Variants in GREB1L observed in about 807,000 individuals in gnomAD.
The protein encoded by GREB1L is GREB1 like retinoic acid receptor coactivator.
A neutral mutation model predicts 200.8 loss-of-function variants in GREB1L; 17 were observed. The ratio of observed to expected loss-of-function variants is 0.08; its 90% CI spans 0.06 to 0.13. GREB1L has a LOEUF of 0.13. GREB1L is among the 10% of genes least tolerant of loss of function. GREB1L has a pLI of 1.00. For missense variants in GREB1L, 1,657 were observed against 2,367.7 expected, an observed-to-expected ratio of 0.70 and a Z score of 6.23; for synonymous variants, 789 against 893.0, an observed-to-expected ratio of 0.88 and a Z score of 2.08.
intron 28 of GREB1L, among the ~76,000 whole-genome samples, chr18:21,514,856 C>G (rs2037363034): frequency 6.6e-6 from 1 of 152,118 alleles, no homozygotes; most frequent in Admixed American, 6.5e-5. Context: ...GGGGTAGTGC[C>G]CCCTCACATT....
intron 20 of GREB1L, among the ~76,000 whole-genome samples, chr18:21,496,064 T>G (rs1279038649): frequency 6.6e-6 from 1 of 152,046 alleles, no homozygotes; most frequent in African/African-American, 2.4e-5. Context: ...ATAAAGTGCT[T>G]TGTCTTTGTT....
chr18:21,457,527 G>A (rs923412950), intron 15 of GREB1L, among the ~76,000 whole-genome samples: 3 of 152,048 alleles, frequency 2.0e-5, no homozygotes, highest in African/African-American at 4.8e-5. Context: ...TAAAATGTTG[G>A]CATTAACAAA....
At chr18:21,341,823 A>G (rs747806781) in intron 1 of GREB1L, among the ~76,000 whole-genome samples, 4 of 152,176 alleles carry the variant, frequency 2.6e-5, no homozygotes, top group Non-Finnish European at 5.9e-5. Flanking sequence ...ACAGCAGTGT[A>G]TTAGGTGTAA....
At chr18:21,477,492 A>T in intron 17 of GREB1L, 136 bp downstream of exon 17, 1 of 714,314 alleles carries the variant, frequency 1.4e-6, no homozygotes, top group Non-Finnish European at 2.0e-6. Flanking sequence ...TTTATGTAAG[A>T]GTTCAAAAAT....
chr18:21,354,836 A>G (rs2039481407), intron 1 of GREB1L, among the ~76,000 whole-genome samples: 1 of 152,252 alleles, frequency 6.6e-6, no homozygotes, highest in African/African-American at 2.4e-5. Context: ...GGAAGAGAAC[A>G]TTGCAAGATA....
intron 14 of GREB1L, 52 bp from the exon 15 acceptor site, chr18:21,454,314 C>CCATTAGG: frequency 8.3e-7 from 1 of 1,197,920 alleles, no homozygotes; most frequent in South Asian, 1.4e-5. Context: ...TTCACAGTGG[C>CCATTAGG]CATTAGGGAA....
intron 1 of GREB1L, among the ~76,000 whole-genome samples, chr18:21,268,520 T>TAC (rs1223067944): frequency 6.9e-3 from 511 of 74,564 alleles, no homozygotes; most frequent in East Asian, 9.7e-3. Flanking sequence ...TGTATATATA[T>TAC]ATACACACAC....
At chr18:21,268,581 A>G (rs1233236109) in intron 1 of GREB1L, among the ~76,000 whole-genome samples, 1 of 134,654 alleles carries the variant, frequency 7.4e-6, no homozygotes, top group African/African-American at 2.9e-5. Context: ...ATATATATAT[A>G]TATATATATA....
intron 4 of GREB1L, among the ~76,000 whole-genome samples, chr18:21,391,900 C>T (rs917186159): frequency 2.0e-5 from 3 of 152,194 alleles, no homozygotes; most frequent in Admixed American, 2.0e-4. Flanking sequence ...ACCTCTGCCT[C>T]CTAGGTTCAA....
intron 28 of GREB1L, among the ~76,000 whole-genome samples, chr18:21,515,053 CA>C (rs2037369373): frequency 6.6e-6 from 1 of 152,186 alleles, no homozygotes; most frequent in Admixed American, 6.6e-5. Context: ...GATTTGAAGC[CA>C]GTGAAATTTT....
At chr18:21,309,816 C>T (rs1314947865) in intron 1 of GREB1L, among the ~76,000 whole-genome samples, 5 of 152,040 alleles carry the variant, frequency 3.3e-5, no homozygotes, top group Non-Finnish European at 5.9e-5. Context: ...TTTTGGTTGT[C>T]ACACTGAGGG....
At chr18:21,277,605 C>G (rs1197787810) in intron 1 of GREB1L, among the ~76,000 whole-genome samples, 2 of 152,164 alleles carry the variant, frequency 1.3e-5, no homozygotes, top group African/African-American at 2.4e-5. Flanking sequence ...TCTCTAGTCC[C>G]AGCCTAGGCC....
intron 1 of GREB1L, among the ~76,000 whole-genome samples, chr18:21,243,000 G>A (rs1460847217): frequency 6.6e-6 from 1 of 152,104 alleles, no homozygotes; most frequent in Non-Finnish European, 1.5e-5. Flanking sequence ...AACACCAAAT[G>A]TCACTTCGTC....
intron 1 of GREB1L, among the ~76,000 whole-genome samples, chr18:21,337,440 A>G (rs1484799139): frequency 1.3e-5 from 2 of 152,172 alleles, no homozygotes; most frequent in Non-Finnish European, 1.5e-5. Context: ...TCCAAGAAGT[A>G]GTGGAGAGTG....
rs565537532 is a variant in GREB1L at position 21,246,058 on chromosome 18, T to C, written c.-120+3665T>C. 4.6e-5 allele frequency among the ~76,000 whole-genome samples: 7 copies of C among 152,298 alleles called. No homozygotes were observed. The East Asian group carries it at 1.2e-3, about 25-fold the overall frequency. On this transcript the variant is annotated intron_variant, in intron 1 of 32. Transcript: ENST00000424526. Reference sequence around the variant, plus strand: ...TTCTTATACATGTAACTTTATTTCTTTTCTTTTCTTCTTTTTCCCTTAACT... The same window carrying C: ...TTCTTATACATGTAACTTTATTTCTCTTCTTTTCTTCTTTTTCCCTTAACT...
chr18:21,368,594 A>G (rs1342297213), intron 2 of GREB1L, among the ~76,000 whole-genome samples: 1 of 152,186 alleles, frequency 6.6e-6, no homozygotes, highest in Non-Finnish European at 1.5e-5. Flanking sequence ...TAAATAATTC[A>G]AATATATTTG....
chr18:21,391,808 TTA>T (rs1420688371), intron 4 of GREB1L, among the ~76,000 whole-genome samples: 21 of 152,326 alleles, frequency 1.4e-4, no homozygotes, highest in African/African-American at 4.6e-4. Flanking sequence ...GTTTGTTTGT[TTA>T]TTTATTTATT....
chr18:21,455,331 C>T lies in GREB1L; in HGVS notation c.2182+768C>T, dbSNP rs1043944259. Among the ~76,000 whole-genome samples the T allele has an allele frequency of 3.0e-3, 455 of 151,982 alleles. 7 individuals are homozygous for T. The East Asian group carries it at 0.034, about 11-fold the overall frequency. On this transcript the variant is annotated intron_variant, in intron 15 of 32. Coordinates refer to ENST00000424526, the MANE Select transcript of GREB1L (RefSeq NM_001142966.3). ...CTTAGCTGAGGAAAACACACACACA[C>T]ACACACACACACGCAGATTTTAGAT... is the stretch of plus-strand genomic sequence containing the variant.
rs555153622 is a variant in GREB1L at position 21,335,756 on chromosome 18, C to T, written c.-119-30271C>T. ...TCGGCTCACTGCAAGCTCCGCCTTC[C>T]GGGTTCATGCCATTCTCCTGCCTCA... On this transcript the variant is annotated intron_variant, in intron 1 of 32. Coordinates refer to ENST00000424526, the MANE Select transcript of GREB1L (RefSeq NM_001142966.3). Among the ~76,000 whole-genome samples the T allele has an allele frequency of 7.2e-5, 11 of 151,802 alleles. No homozygotes were observed. In the East Asian group the frequency reaches 1.2e-3, roughly 16 times the overall value.
Sources: allele counts gnomAD v4.1 joint callset (sites outside exome capture counted in the v4.1 genomes callset), GRCh38; gene constraint gnomAD v4.1.1; transcripts MANE v1.5; gene names NCBI Gene and HGNC (gene_info 2026-07-23, HGNC 2026-07-21).